IKZF2: variants seen among roughly 807,000 people sequenced by gnomAD.
The protein encoded by IKZF2 is zinc finger protein Helios.
Under a neutral mutation model 49.2 loss-of-function variants are expected in IKZF2, and 15 were observed. The ratio of observed to expected loss-of-function variants is 0.30; its 90% CI spans 0.20 to 0.47. The LOEUF is 0.47. Among genes scored for constraint, IKZF2 ranks in the 20% least tolerant of loss-of-function variants. The pLI is 1.00. For synonymous variants in IKZF2, 227 were observed against 221.4 expected (o/e 1.03, Z -0.23); for missense variants, 567 against 664.6 (o/e 0.85, Z 1.61).
Position 213,150,141 on chromosome 2 carries a change from T to TA in IKZF2, c.-16+2dup. 1 of 1,293,878 alleles carries TA rather than the reference T, an allele frequency of 7.7e-7. No homozygotes were observed. 80.1% of individuals were successfully genotyped at this position (1,293,878 alleles called of 1,614,324 possible). On this transcript the variant is annotated splice_region_variant and intron_variant, in intron 2 of 8. Transcript: ENST00000434687. ...AGGAGAAAGAGAAACGAAATGTACA[T>TA]ACAAAAGAAATTGTCCTTTGATTAA...
intron 6 of IKZF2, among the ~76,000 whole-genome samples, chr2:213,031,068 C>T (rs1046684860): frequency 5.3e-5 from 8 of 152,244 alleles, no homozygotes; most frequent in Middle Eastern, 3.4e-3. Context: ...TCAAGTGATC[C>T]GCCCGCCTCA....
intron 4 of IKZF2, among the ~76,000 whole-genome samples, chr2:213,084,565 A>G (rs1487148733): frequency 6.6e-6 from 1 of 151,524 alleles, no homozygotes; most frequent in African/African-American, 2.4e-5. Context: ...AAAAAATCAT[A>G]AGATGATAAA....
chr2:213,039,530 G>A (rs527754177), intron 6 of IKZF2, among the ~76,000 whole-genome samples: 1 of 152,158 alleles, frequency 6.6e-6, no homozygotes, highest in South Asian at 2.1e-4. Context: ...CACTGAGTAG[G>A]TCACAAAGTA....
intron 4 of IKZF2, among the ~76,000 whole-genome samples, chr2:213,115,576 T>A (rs553245851): frequency 1.3e-3 from 191 of 152,324 alleles, no homozygotes; most frequent in Non-Finnish European, 2.4e-3. Flanking sequence ...TCCTGAATTA[T>A]AATCAGAGAC....
rs1347741445 is a variant in IKZF2, at chr2:213,006,238, A to G, written c.*1122T>C. The G allele has an allele frequency of 6.6e-6, 1 of 152,482 alleles. No homozygotes were observed. The highest frequency in any genetic ancestry group is 1.9e-4 in the East Asian group (1 of 5,160). 9.4% of individuals were successfully genotyped at this position (152,482 alleles called of 1,614,324 possible). ...GACAGGAAGACTTTTAAGACCTTCT[A>G]CTCGAAGAGTAAAGGATGAATGAAC... On this transcript the variant is annotated 3_prime_UTR_variant, in exon 9 of 9. Transcript: ENST00000434687.
chr2:213,042,541 C>T (rs540878566), intron 6 of IKZF2, among the ~76,000 whole-genome samples: 2 of 152,034 alleles, frequency 1.3e-5, no homozygotes, highest in South Asian at 2.1e-4. Flanking sequence ...TTATTTCCAA[C>T]GAAATAATTA....
intron 6 of IKZF2, among the ~76,000 whole-genome samples, chr2:213,038,740 G>C (rs533257249): frequency 1.8e-4 from 27 of 152,284 alleles, no homozygotes; most frequent in Middle Eastern, 3.4e-3. Context: ...TTATAAAAGA[G>C]AGTAAGTGAT....
chr2:213,048,467 A>G (rs992852692), intron 6 of IKZF2, among the ~76,000 whole-genome samples: 1 of 152,106 alleles, frequency 6.6e-6, no homozygotes, highest in East Asian at 1.9e-4. Flanking sequence ...AGAGTACATG[A>G]CAAGCTAATG....
In IKZF2 at chr2:213,040,855, C is replaced by T. The variant is rs113397944; in HGVS notation, c.574+8858G>A. On this transcript the variant is annotated intron_variant, in intron 6 of 8. Transcript: ENST00000434687. Reference sequence around the variant, plus strand: ...ACTTAAGGGTGGGCGCAGTGGCTCACGCCTGTAATCCCAGCACTTTGGGAG... The same window carrying T: ...ACTTAAGGGTGGGCGCAGTGGCTCATGCCTGTAATCCCAGCACTTTGGGAG... Among the ~76,000 whole-genome samples, 173 of 152,308 alleles carry T rather than the reference C, an allele frequency of 1.1e-3. 2 individuals are homozygous for T. The highest frequency in any genetic ancestry group is 3.9e-3 in the African/African-American group (162 of 41,594).
Position 213,022,088 on chromosome 2 carries a change from T to A in IKZF2, c.617A>T (p.Lys206Met). The A allele has an allele frequency of 6.2e-7, 1 of 1,613,664 alleles. No individual in the cohort carries two copies. Among genetic ancestry groups the A allele is most frequent in the Non-Finnish European group, 8.5e-7 (1 of 1,179,760 alleles). ...GTGCTCCTCCAGTGAACTGCGCTGCTTGTAGCTTCGTCCACAGTAGTTGCA... is the reference window on the plus strand; with the variant it reads ...GTGCTCCTCCAGTGAACTGCGCTGCATGTAGCTTCGTCCACAGTAGTTGCA... ...HKCNYCGRSY[K>M]QRSSLEEHKE... Residue 206 changes from lysine (K) to methionine (M), a missense_variant, in exon 7 of 9, where the codon AAG becomes ATG. Coordinates refer to ENST00000434687, the MANE Select transcript of IKZF2 (RefSeq NM_001387220.1).
In IKZF2 at chr2:213,036,128, T is replaced by C. The variant is rs138695132; in HGVS notation, c.574+13585A>G. ...AAGCCTCATGATAGATTTTTGTTTA[T>C]AAGAGCATGATACAATTCTTGTTTT... On this transcript the variant is annotated intron_variant, in intron 6 of 8. Transcript: ENST00000434687. Among the ~76,000 whole-genome samples the C allele has an allele frequency of 1.4e-4, 22 of 152,288 alleles. No homozygotes were observed. The East Asian group carries it at 4.0e-3, about 28-fold the overall frequency.
chr2:213,150,167 A>G lies in IKZF2; in HGVS notation c.-39T>C. Reference sequence around the variant, plus strand: ...ACAAAAGAAATTGTCCTTTGATTAAAAAAGATTCATCACCATTTCCAGCTC... The same window carrying G: ...ACAAAAGAAATTGTCCTTTGATTAAGAAAGATTCATCACCATTTCCAGCTC... On this transcript the variant is annotated 5_prime_UTR_variant, in exon 2 of 9. Coordinates refer to ENST00000434687, the MANE Select transcript of IKZF2 (RefSeq NM_001387220.1). 7.7e-7 allele frequency: 1 copy of G among 1,303,728 alleles called. No homozygotes were observed. 80.8% of individuals were successfully genotyped at this position (1,303,728 alleles called of 1,614,324 possible). A position where few individuals can be genotyped will look rare whatever the true frequency, so the allele number is the denominator to read the frequency against.
rs1695113248 is a variant in IKZF2 at position 213,003,937 on chromosome 2, T to C, written c.*3423A>G. 6.6e-6 allele frequency: 1 copy of C among 151,894 alleles called. No homozygotes were observed. Among genetic ancestry groups the C allele is most frequent in the South Asian group, 2.1e-4 (1 of 4,830 alleles). 9.4% of individuals were successfully genotyped at this position (151,894 alleles called of 1,614,324 possible). ...AGCTTAATCATTGTTTGTTTCACTT[T>C]GTTCTGTAAGTAGATAATAAGGACC... On this transcript the variant is annotated 3_prime_UTR_variant, in exon 9 of 9. Coordinates refer to ENST00000434687, the MANE Select transcript of IKZF2 (RefSeq NM_001387220.1).
chr2:213,008,113 A>G (rs1387001976), intron 8 of IKZF2, 29 bp from the exon 9 acceptor site: 10 of 195,164 alleles, frequency 5.1e-5, no homozygotes, highest in Non-Finnish European at 8.3e-5. Flanking sequence ...TGAAAGAAGT[A>G]AAAAAAAAAA....
intron 4 of IKZF2, among the ~76,000 whole-genome samples, chr2:213,078,110 G>A (rs1175939696): frequency 2.0e-5 from 3 of 151,748 alleles, no homozygotes; most frequent in Admixed American, 1.3e-4. Context: ...AGTGTAAACA[G>A]ATTATGTGTC....
intron 2 of IKZF2, 53 bp from the exon 3 acceptor site, chr2:213,148,697 C>A (rs931020571): frequency 7.0e-7 from 1 of 1,436,542 alleles, no homozygotes; most frequent in South Asian, 1.2e-5. Context: ...CAGTATCTGC[C>A]ATTAAATTCT....
intron 4 of IKZF2, among the ~76,000 whole-genome samples, chr2:213,071,622 GTGTC>G (rs1404669961): frequency 1.2e-4 from 19 of 152,076 alleles, no homozygotes; most frequent in Admixed American, 3.3e-4. Context: ...CCCACTACAA[GTGTC>G]TGTCTGTGTG....
intron 4 of IKZF2, among the ~76,000 whole-genome samples, chr2:213,104,723 G>T (rs1303087048): frequency 6.6e-6 from 1 of 152,176 alleles, no homozygotes; most frequent in Non-Finnish European, 1.5e-5. Context: ...CTATGGTCTG[G>T]TGACAGGAAC....
intron 4 of IKZF2, among the ~76,000 whole-genome samples, chr2:213,140,946 T>C (rs1399031503): frequency 6.6e-6 from 1 of 151,962 alleles, no homozygotes; most frequent in Non-Finnish European, 1.5e-5. Context: ...TTAGGAAAAT[T>C]CATACTTCAG....
Sources: gnomAD v4.1 joint callset for allele counts (sites outside exome capture counted in the v4.1 genomes callset) on GRCh38, gnomAD v4.1.1 for gene constraint, MANE v1.5 for transcripts, NCBI Gene and HGNC (gene_info 2026-07-23, HGNC 2026-07-21) for gene names.